The following FOXP1 variants were observed in gnomAD, a reference collection of about 807,000 sequenced individuals.
FOXP1 encodes the protein forkhead box protein P1.
In FOXP1, 15 loss-of-function variants were observed where a neutral mutation model predicts 98.2. That is an observed-to-expected ratio of 0.15 (90% confidence interval 0.10 to 0.24). The LOEUF (loss-of-function observed/expected upper bound fraction) is 0.24. Ranked by LOEUF, FOXP1 falls within the 10% of genes least tolerant of loss-of-function variation. FOXP1 has a pLI of 1.00. For missense variants in FOXP1, 633 were observed against 848.5 expected (o/e 0.75, Z 3.15); for synonymous variants, 371 against 314.5 (o/e 1.18, Z -1.90).
intron 17 of FOXP1, among the ~76,000 whole-genome samples, chr3:70,973,913 T>C (rs953019403): frequency 2.3e-4 from 33 of 142,080 alleles, no homozygotes; most frequent in Admixed American, 2.2e-3. Flanking sequence ...TTAACGGTGG[T>C]GAATCTTGAT....
chr3:71,560,275 C>A (rs2046438046), intron 2 of FOXP1, among the ~76,000 whole-genome samples: 1 of 152,186 alleles, frequency 6.6e-6, no homozygotes, highest in Non-Finnish European at 1.5e-5. Context: ...ACAGTGAACT[C>A]CTGCAATAAA....
At chr3:71,305,329 T>G (rs1240724491) in intron 4 of FOXP1, among the ~76,000 whole-genome samples, 1 of 152,134 alleles carries the variant, frequency 6.6e-6, no homozygotes, top group Non-Finnish European at 1.5e-5. Context: ...AGGCTGTCAT[T>G]TTCCCCCCAG....
At chr3:71,336,573 G>T (rs1358740907) in intron 4 of FOXP1, among the ~76,000 whole-genome samples, 1 of 152,232 alleles carries the variant, frequency 6.6e-6, no homozygotes, top group East Asian at 1.9e-4. Context: ...TAGAGGGAAA[G>T]AATTCGACAT....
intron 6 of FOXP1, among the ~76,000 whole-genome samples, chr3:71,128,393 A>G (rs574404605): frequency 6.6e-6 from 1 of 152,258 alleles, no homozygotes; most frequent in East Asian, 1.9e-4. Flanking sequence ...TCAATTTGAG[A>G]TAATGACAGC....
At chr3:71,344,477 A>G (rs1310580630) in intron 4 of FOXP1, among the ~76,000 whole-genome samples, 1 of 152,240 alleles carries the variant, frequency 6.6e-6, no homozygotes, top group African/African-American at 2.4e-5. Flanking sequence ...CCAAACAGCT[A>G]AAGTAGACAT....
chr3:71,477,059 A>G (rs2089912090), intron 3 of FOXP1, among the ~76,000 whole-genome samples: 1 of 152,156 alleles, frequency 6.6e-6, no homozygotes, highest in African/African-American at 2.4e-5. Context: ...TTTATGTATC[A>G]CCAGAGCCTT....
intron 3 of FOXP1, among the ~76,000 whole-genome samples, chr3:71,394,838 C>T (rs1172215170): frequency 3.3e-5 from 5 of 152,092 alleles, no homozygotes; most frequent in Admixed American, 1.3e-4. Context: ...CGGTGGCTAA[C>T]GCCTGTAATC....
intron 2 of FOXP1, among the ~76,000 whole-genome samples, chr3:71,575,418 T>C (rs1293365935): frequency 6.6e-6 from 1 of 152,094 alleles, no homozygotes; most frequent in African/African-American, 2.4e-5. Context: ...AAATTCTGAC[T>C]CAAGGATCTG....
intron 2 of FOXP1, among the ~76,000 whole-genome samples, chr3:71,533,181 A>G (rs1413860925): frequency 6.6e-6 from 1 of 152,244 alleles, no homozygotes; most frequent in East Asian, 1.9e-4. Flanking sequence ...TAATTAGGCA[A>G]GATGCATTAT....
intron 2 of FOXP1, among the ~76,000 whole-genome samples, chr3:71,577,478 T>C (rs2047814517): frequency 6.6e-6 from 1 of 151,810 alleles, no homozygotes; most frequent in Non-Finnish European, 1.5e-5. Context: ...ATGCAGAAGA[T>C]ACCCCAAATT....
chr3:71,362,899 C>T (rs1457114479), intron 3 of FOXP1, among the ~76,000 whole-genome samples: 1 of 152,132 alleles, frequency 6.6e-6, no homozygotes, highest in Non-Finnish European at 1.5e-5. Context: ...TTAATAAATG[C>T]TGTTGTATTT....
At chr3:71,463,546 G>A (rs1292785479) in intron 3 of FOXP1, among the ~76,000 whole-genome samples, 1 of 152,060 alleles carries the variant, frequency 6.6e-6, no homozygotes, top group Non-Finnish European at 1.5e-5. Flanking sequence ...CATGAATGGT[G>A]ATGCTGAGAT....
chr3:71,344,251 C>T (rs1296783571), intron 4 of FOXP1, among the ~76,000 whole-genome samples: 1 of 152,186 alleles, frequency 6.6e-6, no homozygotes, highest in Non-Finnish European at 1.5e-5. Context: ...AGAGTTTCCC[C>T]TAACCCTAAA....
chr3:71,267,837 G>A (rs923358158), intron 5 of FOXP1, among the ~76,000 whole-genome samples: 1 of 151,822 alleles, frequency 6.6e-6, no homozygotes, highest in Admixed American at 6.6e-5. Flanking sequence ...GGCCAATATG[G>A]TGAAACCCTG....
At chr3:71,418,118 T>G (rs762264998) in intron 3 of FOXP1, among the ~76,000 whole-genome samples, 58 of 54,638 alleles carry the variant, frequency 1.1e-3, no homozygotes, top group Admixed American at 5.8e-3. Flanking sequence ...TGCTTGTGGG[T>G]GTGTGTGTGT....
chr3:71,038,018 G>A (rs150935772), intron 11 of FOXP1, among the ~76,000 whole-genome samples: 29 of 152,262 alleles, frequency 1.9e-4, no homozygotes, highest in African/African-American at 5.8e-4. Context: ...TAGGAGTGTC[G>A]TGCCAAGCAC....
At chr3:70,972,414 G>A in intron 18 of FOXP1, 141 bp downstream of exon 18, 1 of 1,259,530 alleles carries the variant, frequency 7.9e-7, no homozygotes, top group Non-Finnish European at 1.2e-6. Context: ...CAGGAGGGAT[G>A]AAATGCTTTT....
chr3:71,285,870 TAAGG>T (rs2072066567), intron 5 of FOXP1, among the ~76,000 whole-genome samples: 1 of 152,176 alleles, frequency 6.6e-6, no homozygotes, highest in Non-Finnish European at 1.5e-5. Context: ...TCAGTAAATA[TAAGG>T]AATGGGCTAC....
intron 7 of FOXP1, among the ~76,000 whole-genome samples, chr3:71,105,270 T>C (rs1224944695): frequency 6.6e-6 from 1 of 152,164 alleles, no homozygotes; most frequent in Non-Finnish European, 1.5e-5. Context: ...TCCGACAGTG[T>C]TATTCCTAAT....
Sources: gnomAD v4.1 joint callset for allele counts (sites outside exome capture counted in the v4.1 genomes callset) on GRCh38, gnomAD v4.1.1 for gene constraint, MANE v1.5 for transcripts, NCBI Gene and HGNC (gene_info 2026-07-23, HGNC 2026-07-21) for gene names.